Variants in CAMK2G observed in about 807,000 individuals in gnomAD.
CAMK2G encodes calcium/calmodulin-dependent protein kinase type II subunit gamma.
Under a neutral mutation model 88.7 loss-of-function variants are expected in CAMK2G, and 23 were observed. That is an observed-to-expected ratio of 0.26 (90% CI 0.19 to 0.37). CAMK2G has a LOEUF of 0.37. Ranked by LOEUF, CAMK2G falls within the 10% of genes least tolerant of loss-of-function variation. The pLI is 1.00. For synonymous variants in CAMK2G, 263 were observed against 294.8 expected (o/e 0.89, Z 1.11); for missense variants, 476 against 780.8 (o/e 0.61, Z 4.65).
intron 14 of CAMK2G, chr10:73,837,172 G>A: frequency 2.5e-6 from 1 of 404,538 alleles, no homozygotes; most frequent in Non-Finnish European, 4.6e-6. Flanking sequence ...CCAGAGTCAA[G>A]CCCTGGAGAT....
chr10:73,842,191 C>T lies in CAMK2G; in HGVS notation c.924G>A (p.Met308Ile). 2 of 1,613,160 alleles carry T rather than the reference C, an allele frequency of 1.2e-6. No individual in the cohort carries two copies. The highest frequency in any genetic ancestry group is 1.7e-6 in the Non-Finnish European group (2 of 1,179,126). Residue 308 changes from methionine to isoleucine, a missense_variant, in exon 12 of 23, where the codon ATG becomes ATA. Physicochemically the swap from Met to Ile is conservative, Grantham distance 10. Coordinates refer to ENST00000423381, the MANE Select transcript of CAMK2G (RefSeq NM_001367534.1). The surrounding 1 kb of genome is among the most constrained non-coding windows in gnomAD (Gnocchi z 4.6). ...TACCTGAGAAGTTCCTGGAGACAAG[C>T]ATGGTCGTGAGGATGGCACCCTGGG... ...RKLKGAILTT[M>I]LVSRNFSVGR...
intron 18 of CAMK2G, 77 bp from the exon 19 acceptor site, chr10:73,819,722 A>C: frequency 1.1e-6 from 1 of 892,944 alleles, no homozygotes; most frequent in Non-Finnish European, 1.7e-6. Flanking sequence ...TGAGCGAGCA[A>C]GCCAGACAGG....
intron 19 of CAMK2G, among the ~76,000 whole-genome samples, chr10:73,819,262 A>C (rs574934624): frequency 6.6e-6 from 1 of 151,858 alleles, no homozygotes; most frequent in East Asian, 1.9e-4. Context: ...GGCAAGGCCC[A>C]CTGCACATCC....
intron 2 of CAMK2G, among the ~76,000 whole-genome samples, chr10:73,868,973 C>A (rs988631283): frequency 5.5e-4 from 84 of 152,200 alleles, no homozygotes; most frequent in African/African-American, 1.8e-3. Flanking sequence ...CAGAACGAGG[C>A]CCCTAATCAC....
intron 19 of CAMK2G, chr10:73,818,718 C>T (rs1268970120): frequency 2.2e-6 from 1 of 455,824 alleles, no homozygotes; most frequent in Non-Finnish European, 4.4e-6. Flanking sequence ...CGATCGGCTT[C>T]CAAAAGCAGC....
intron 1 of CAMK2G, among the ~76,000 whole-genome samples, chr10:73,874,112 G>T (rs1360471876): frequency 6.7e-6 from 1 of 149,370 alleles, no homozygotes; most frequent in Non-Finnish European, 1.5e-5. Flanking sequence ...GCGCCTGAAG[G>T]GTGCGGAGGG....
At chr10:73,849,391 C>T in intron 5 of CAMK2G, 58 bp from the exon 6 acceptor site, 1 of 1,218,088 alleles carries the variant, frequency 8.2e-7, no homozygotes, top group Non-Finnish European at 1.2e-6. Flanking sequence ...TCATCCACAT[C>T]CACAACCACA....
At chr10:73,854,794 C>T (rs2094903879) in intron 3 of CAMK2G, among the ~76,000 whole-genome samples, 1 of 152,150 alleles carries the variant, frequency 6.6e-6, no homozygotes, top group Non-Finnish European at 1.5e-5. Flanking sequence ...CTATAGCCCC[C>T]TTGTTCTCCT....
chr10:73,825,275 G>T lies in CAMK2G; in HGVS notation c.1155+4C>A. The T allele has an allele frequency of 6.2e-7, 1 of 1,608,048 alleles. No homozygotes were observed. The highest frequency in any genetic ancestry group is 8.5e-7 in the Non-Finnish European group (1 of 1,174,404). On this transcript the variant is annotated splice_donor_region_variant and intron_variant, in intron 16 of 22. Coordinates refer to ENST00000423381, the MANE Select transcript of CAMK2G (RefSeq NM_001367534.1). ...GAGGCGGAGAAGCTGTAGTCAGGAG[G>T]TACCATGGCCGTCTGCAAGGGCGCG...
intron 10 of CAMK2G, chr10:73,846,514 C>T (rs2094249451): frequency 6.6e-6 from 1 of 152,206 alleles, no homozygotes; most frequent in South Asian, 2.1e-4. Context: ...GCCTGTCTCC[C>T]TAGATGATCT....
chr10:73,829,266 TTTTA>T (rs55861420), intron 14 of CAMK2G, among the ~76,000 whole-genome samples: 8,599 of 140,968 alleles, frequency 0.061, 469 homozygotes, highest in African/African-American at 0.14. Flanking sequence ...TACATTGGCC[TTTTA>T]TTTATTTATT....
rs987303671 is a variant in CAMK2G, at chr10:73,845,576, CA to C, written c.819+1648del. 8.6e-3 allele frequency among the ~76,000 whole-genome samples: 863 copies of C among 100,242 alleles called. 7 individuals carry two copies. The highest frequency in any genetic ancestry group is 0.024 in the African/African-American group (638 of 26,272). 65.8% of individuals were successfully genotyped at this position (100,242 alleles called of 152,430 possible). On this transcript the variant is annotated intron_variant, in intron 10 of 22. Transcript: ENST00000423381. The stretch of plus-strand genomic sequence containing the variant: ...TGGGCGACAGAGCGAGACTCCATCT[CA>C]AAAAAAAAAAAAAAAAGAGAAAACC...
At chr10:73,826,289 C>T (rs375256878) in intron 15 of CAMK2G, among the ~76,000 whole-genome samples, 142 of 152,106 alleles carry the variant, frequency 9.3e-4, no homozygotes, top group Non-Finnish European at 1.6e-3. Context: ...AAAAATTAGC[C>T]GGGCATGGTG....
At position 73,812,835 on chromosome 10, in the gene CAMK2G, G is replaced by C. The variant is rs953664847; in HGVS notation, c.*1683C>G. ...GAAACCCTGTGGTGAAGGGATTTGC[G>C]TGCTGGCACTGCAGACTGCAGGGCA... On this transcript the variant is annotated 3_prime_UTR_variant, in exon 23 of 23. Coordinates refer to ENST00000423381, the MANE Select transcript of CAMK2G (RefSeq NM_001367534.1). 9.2e-5 allele frequency: 14 copies of C among 152,702 alleles called. No homozygotes were observed. Among genetic ancestry groups the C allele is most frequent in the Admixed American group, 8.5e-4 (13 of 15,276 alleles). 9.5% of individuals were successfully genotyped at this position (152,702 alleles called of 1,614,324 possible). A position where few individuals can be genotyped will look rare whatever the true frequency, so the allele number is the denominator to read the frequency against.
intron 5 of CAMK2G, among the ~76,000 whole-genome samples, chr10:73,851,047 C>T (rs1173736272): frequency 3.3e-5 from 5 of 152,208 alleles, no homozygotes; most frequent in East Asian, 1.9e-4. Flanking sequence ...CTGCCTCCTC[C>T]GTCCCAGAGC....
intron 14 of CAMK2G, among the ~76,000 whole-genome samples, chr10:73,829,347 T>A (rs1470393035): frequency 6.6e-6 from 1 of 151,848 alleles, no homozygotes; most frequent in East Asian, 1.9e-4. Context: ...CAGGCTGGAG[T>A]GCAGTGGCAC....
intron 12 of CAMK2G, among the ~76,000 whole-genome samples, chr10:73,840,749 A>C (rs1326566641): frequency 6.6e-6 from 1 of 152,244 alleles, no homozygotes; most frequent in Non-Finnish European, 1.5e-5. Context: ...GAAGCAGCAG[A>C]CTGTCTTCAC....
At chr10:73,873,817 C>A (rs1371849787) in intron 1 of CAMK2G, among the ~76,000 whole-genome samples, 1 of 58,988 alleles carries the variant, frequency 1.7e-5, no homozygotes, top group African/African-American at 6.8e-5. Context: ...CAGCTCAGTG[C>A]GGAGGGGAGG....
chr10:73,814,907 C>T, intron 22 of CAMK2G, 96 bp downstream of exon 22: 1 of 814,844 alleles, frequency 1.2e-6, no homozygotes, highest in Non-Finnish European at 1.9e-6. Context: ...CGGCCCACAC[C>T]TCCTCTCCCA....
Sources: allele counts gnomAD v4.1 joint callset (sites outside exome capture counted in the v4.1 genomes callset), GRCh38; gene constraint gnomAD v4.1.1; non-coding constraint Gnocchi (gnomAD v3.1); transcripts MANE v1.5; gene names NCBI Gene and HGNC (gene_info 2026-07-23, HGNC 2026-07-21).